ANK2: variants seen among roughly 807,000 people sequenced by gnomAD.
ANK2 encodes ankyrin 2, also known as ankyrin-2.
ANK2 carries 83 observed loss-of-function variants against 360.5 expected under a neutral mutation model. The ratio of observed to expected loss-of-function variants is 0.23; its 90% CI spans 0.19 to 0.28. The LOEUF (loss-of-function observed/expected upper bound fraction) is 0.28, where lower values mean the gene tolerates loss of function less well. Among genes scored for constraint, ANK2 ranks in the 10% least tolerant of loss-of-function variants. ANK2 has a pLI of 1.00. For synonymous variants in ANK2, 1,740 were observed against 1,759.5 expected, an observed-to-expected ratio of 0.99 and a Z score of 0.28; for missense variants, 4,201 against 4,795.7, an observed-to-expected ratio of 0.88 and a Z score of 3.66.
chr4:113,184,102 A>G (rs2098468754), intron 2 of ANK2, among the ~76,000 whole-genome samples: 1 of 150,036 alleles, frequency 6.7e-6, no homozygotes, highest in African/African-American at 2.4e-5. Context: ...TCAGGGAAGC[A>G]GTGTCTTTGG....
chr4:113,198,877 G>A, intron 3 of ANK2, 134 bp from the exon 4 acceptor site: 1 of 726,456 alleles, frequency 1.4e-6, no homozygotes, highest in South Asian at 1.7e-5. Context: ...CTCTTCGTAA[G>A]TGGGCTACTA....
Position 113,196,373 on chromosome 4 carries a change from A to G in ANK2, c.192A>G (p.Gly64=). Residue 64 remains glycine, a synonymous_variant, in exon 3 of 46, where the codon GGA becomes GGG. Transcript: ENST00000357077. ...GIDINTCNQN[G]LNALHLAAKE... ...TTGTTTGTTTCTTCTCTCAGAATGG[A>G]CTCAACGCTCTCCATCTGGCTGCCA... 6.2e-7 allele frequency: 1 copy of G among 1,613,208 alleles called. No homozygotes were observed. The highest frequency in any genetic ancestry group is 8.5e-7 in the Non-Finnish European group (1 of 1,179,720).
intron 1 of ANK2, among the ~76,000 whole-genome samples, chr4:113,142,320 GA>G (rs2096662214): frequency 6.6e-6 from 1 of 152,160 alleles, no homozygotes; most frequent in Non-Finnish European, 1.5e-5. Context: ...GATAGAACTA[GA>G]AACGTTTTAA....
chr4:113,100,289 C>A (rs1025108164), intron 1 of ANK2, among the ~76,000 whole-genome samples: 1 of 151,986 alleles, frequency 6.6e-6, no homozygotes, highest in East Asian at 1.9e-4. Flanking sequence ...AGAAAACAAG[C>A]AATCCAGTTT....
At position 112,946,244 on chromosome 4, in the gene ANK2, T is replaced by G. The variant is rs186475110; in HGVS notation, c.21+41730T>G. On this transcript the variant is annotated intron_variant, in intron 2 of 30. Transcript: ENST00000503271. ...AGAGCCTTTCGTGGAAAGGAGCCCA[T>G]GTCAACAGAGTCTGCATCCCCATGC... Among the ~76,000 whole-genome samples, 882 of 152,160 alleles carry G rather than the reference T, an allele frequency of 5.8e-3. 6 individuals are homozygous for G. Among genetic ancestry groups the G allele is most frequent in the Non-Finnish European group, 0.01 (713 of 67,988 alleles).
the ANK2 span, among the ~76,000 whole-genome samples, chr4:112,713,311 G>T: frequency 6.6e-6 from 1 of 151,948 alleles, no homozygotes; most frequent in Non-Finnish European, 1.5e-5. Flanking sequence ...GAATGAAGTT[G>T]CTATATAAAA....
chr4:113,364,717 A>T (rs985397239), intron 40 of ANK2, among the ~76,000 whole-genome samples: 4 of 152,368 alleles, frequency 2.6e-5, no homozygotes, highest in Admixed American at 2.0e-4. Flanking sequence ...GTCAGCAAAT[A>T]CATTTTTAGC....
intron 1 of ANK2, among the ~76,000 whole-genome samples, chr4:112,898,889 C>G (rs1428421346): frequency 1.3e-5 from 2 of 152,090 alleles, no homozygotes; most frequent in African/African-American, 4.8e-5. Context: ...TGTGTCAGCT[C>G]CATGAAGAAA....
At chr4:113,371,801 C>T (rs534736725) in intron 43 of ANK2, among the ~76,000 whole-genome samples, 1 of 152,246 alleles carries the variant, frequency 6.6e-6, no homozygotes, top group South Asian at 2.1e-4. Flanking sequence ...TTGAGTTTTA[C>T]AGTGTGTTAA....
chr4:112,741,064 A>G, the ANK2 span, among the ~76,000 whole-genome samples: 3 of 151,962 alleles, frequency 2.0e-5, no homozygotes, highest in Admixed American at 6.6e-5. Flanking sequence ...TCCTTGCCTA[A>G]AGTGATCCAC....
At chr4:112,913,291 T>G (rs2088397214) in intron 2 of ANK2, among the ~76,000 whole-genome samples, 1 of 152,206 alleles carries the variant, frequency 6.6e-6, no homozygotes, top group Non-Finnish European at 1.5e-5. Flanking sequence ...AAAATGAAGC[T>G]TATTGTAAAG....
intron 20 of ANK2, among the ~76,000 whole-genome samples, chr4:113,289,348 T>C (rs2153734388): frequency 6.6e-6 from 1 of 151,964 alleles, no homozygotes; most frequent in African/African-American, 2.4e-5. Context: ...GCTAGGACTA[T>C]AGGTGCATGA....
At chr4:112,993,557 C>T (rs567806099) in intron 2 of ANK2, among the ~76,000 whole-genome samples, 98 of 152,038 alleles carry the variant, frequency 6.4e-4, no homozygotes, top group African/African-American at 1.5e-3. Context: ...CCACCCGCCT[C>T]GGCCTCCCAA....
intron 26 of ANK2, among the ~76,000 whole-genome samples, chr4:113,328,301 A>T (rs899212457): frequency 6.6e-5 from 10 of 152,198 alleles, no homozygotes; most frequent in African/African-American, 2.4e-4. Context: ...ATTATCAGTG[A>T]GTCAAAAATA....
At chr4:112,843,434 A>C (rs1449359426) in intron 1 of ANK2, among the ~76,000 whole-genome samples, 1 of 152,248 alleles carries the variant, frequency 6.6e-6, no homozygotes, top group Non-Finnish European at 1.5e-5. Flanking sequence ...TTTTCCAAAC[A>C]GAAACTCTAG....
chr4:113,161,933 G>A (rs1393778324), intron 1 of ANK2, among the ~76,000 whole-genome samples: 1 of 152,128 alleles, frequency 6.6e-6, no homozygotes, highest in Non-Finnish European at 1.5e-5. Context: ...CCATCTCCCA[G>A]AGGTCACTCT....
chr4:113,250,657 T>A (rs531450402), intron 10 of ANK2, among the ~76,000 whole-genome samples: 1 of 151,910 alleles, frequency 6.6e-6, no homozygotes, highest in South Asian at 2.1e-4. Context: ...AGCTGATTAA[T>A]GTGATATGCA....
intron 2 of ANK2, among the ~76,000 whole-genome samples, chr4:112,991,119 T>G (rs879715490): frequency 4.0e-5 from 6 of 151,446 alleles, no homozygotes; most frequent in Non-Finnish European, 7.4e-5. Context: ...GGCATGGTGA[T>G]GCATGCCTGT....
Position 113,027,176 on chromosome 4 carries a change from C to T in ANK2, c.21+122662C>T, listed in dbSNP as rs189760555. Among the ~76,000 whole-genome samples, 7 of 152,208 alleles carry T rather than the reference C, an allele frequency of 4.6e-5. No homozygotes were observed. The East Asian group carries it at 7.7e-4, about 17-fold the overall frequency. On this transcript the variant is annotated intron_variant, in intron 2 of 30. Transcript: ENST00000503271. ...TTTTGACTTGCTTATCTTGCATATG[C>T]GAACCCCTCTATGGTGTGTGAATAA...
Sources: gnomAD v4.1 joint callset for allele counts (sites outside exome capture counted in the v4.1 genomes callset) on GRCh38, gnomAD v4.1.1 for gene constraint, MANE v1.5 for transcripts, NCBI Gene and HGNC (gene_info 2026-07-23, HGNC 2026-07-21) for gene names.